Variants in FRMD7 observed in about 807,000 individuals in gnomAD.
FRMD7 encodes FERM domain containing 7, also known as FERM domain-containing protein 7.
In FRMD7, 14 loss-of-function variants were observed where a neutral mutation model predicts 44.1. The ratio of observed to expected loss-of-function variants is 0.32; its 90% CI spans 0.21 to 0.50. FRMD7 has a LOEUF of 0.50. FRMD7 is among the 20% of genes least tolerant of loss of function. The pLI is 0.99. For synonymous variants in FRMD7, 212 were observed against 187.4 expected, an observed-to-expected ratio of 1.13 and a Z score of -1.07; for missense variants, 501 against 522.3, an observed-to-expected ratio of 0.96 and a Z score of 0.40.
Position 132,118,100 on chromosome X carries a change from G to T in FRMD7, c.57+9688C>A, listed in dbSNP as rs779353660. Among the ~76,000 whole-genome samples the T allele has an allele frequency of 5.5e-3, 616 of 111,403 alleles. 3 individuals are homozygous for T. Among genetic ancestry groups the T allele is most frequent in the African/African-American group, 0.018 (562 of 30,650 alleles). On this transcript the variant is annotated intron_variant, in intron 1 of 11. Transcript: ENST00000298542. The stretch of plus-strand genomic sequence containing the variant: ...GTTCTTGCTTGGTAAAGTAGTGAAA[G>T]AATTATATGAACCCAAACTGTGCAT...
chrX:132,088,003 A>AAT (rs1347249936), intron 5 of FRMD7, among the ~76,000 whole-genome samples: 1 of 112,143 alleles, frequency 8.9e-6, no homozygotes, highest in Non-Finnish European at 1.9e-5. Context: ...CACAAAGTCT[A>AAT]ATACCCACTC....
intron 1 of FRMD7, 26 bp downstream of exon 1, chrX:132,127,762 A>C: frequency 8.9e-7 from 1 of 1,126,984 alleles, no homozygotes; most frequent in Non-Finnish European, 1.2e-6. Flanking sequence ...TAATAAAGGA[A>C]TAATAGCAAT....
intron 1 of FRMD7, among the ~76,000 whole-genome samples, chrX:132,123,539 C>A (rs933129549): frequency 8.9e-6 from 1 of 112,007 alleles, no homozygotes; most frequent in Admixed American, 9.5e-5. Context: ...ACAAAAGATC[C>A]TTCATCATCG....
At chrX:132,105,889 C>T in intron 1 of FRMD7, among the ~76,000 whole-genome samples, 1 of 110,919 alleles carries the variant, frequency 9.0e-6, no homozygotes, top group Admixed American at 9.6e-5. Flanking sequence ...AAATGTAAAA[C>T]CCAGAACTAT....
Position 132,094,028 on chromosome X carries a change from C to A in FRMD7, c.382+14G>T, listed in dbSNP as rs748904512. ...GCTGATAGGTCCCAAAGCAGACAGA[C>A]ATTTGCTACTTACATTGTAAGATGT... is the stretch of plus-strand genomic sequence containing the variant. On this transcript the variant is annotated intron_variant, in intron 5 of 11. Coordinates refer to ENST00000298542, the MANE Select transcript of FRMD7 (RefSeq NM_194277.3). The A allele has an allele frequency of 6.7e-6, 7 of 1,039,418 alleles. No individual in the cohort carries two copies. In the South Asian group the frequency reaches 1.1e-4, roughly 17 times the overall value. The allele number at this position is 1,039,418 out of a possible 1,213,427, so 85.7% of individuals were successfully genotyped here.
chrX:132,083,128 GT>G (rs1028893015), intron 8 of FRMD7, among the ~76,000 whole-genome samples: 376 of 110,660 alleles, frequency 3.4e-3, no homozygotes, highest in Non-Finnish European at 5.5e-3. Flanking sequence ...TTTCTTTGTA[GT>G]TTTTTTTGTT....
intron 1 of FRMD7, among the ~76,000 whole-genome samples, chrX:132,122,514 G>A (rs765153384): frequency 1.8e-5 from 2 of 112,329 alleles, no homozygotes; most frequent in African/African-American, 3.2e-5. Flanking sequence ...AAACTTGAAG[G>A]TCATTTAGAT....
chrX:132,083,893 G>A (rs965530330), intron 8 of FRMD7, among the ~76,000 whole-genome samples: 19 of 111,786 alleles, frequency 1.7e-4, no homozygotes, highest in Non-Finnish European at 3.0e-4. Context: ...AGCCCAGGAC[G>A]TTGAGGCTGC....
chrX:132,090,010 T>C (rs1048922992), intron 5 of FRMD7, among the ~76,000 whole-genome samples: 6 of 112,322 alleles, frequency 5.3e-5, no homozygotes, highest in Admixed American at 1.9e-4. Flanking sequence ...AACACTTGTG[T>C]GCCAATGCTT....
At chrX:132,118,974 C>T (rs748539726) in intron 1 of FRMD7, among the ~76,000 whole-genome samples, 1 of 111,588 alleles carries the variant, frequency 9.0e-6, no homozygotes, top group South Asian at 3.8e-4. Flanking sequence ...TCCACATACA[C>T]ACTTCAATCT....
intron 1 of FRMD7, among the ~76,000 whole-genome samples, chrX:132,101,489 C>T (rs1311537024): frequency 8.9e-6 from 1 of 112,213 alleles, no homozygotes; most frequent in Non-Finnish European, 1.9e-5. Context: ...CACTTCTTGC[C>T]CTGGATGTCT....
chrX:132,099,540 G>T, intron 2 of FRMD7, 30 bp from the exon 3 acceptor site: 1 of 1,133,161 alleles, frequency 8.8e-7, no homozygotes, highest in South Asian at 1.8e-5. Flanking sequence ...AAAATTGGTA[G>T]AGCATGGCAT....
At chrX:132,112,365 A>C (rs1928799075) in intron 1 of FRMD7, among the ~76,000 whole-genome samples, 1 of 111,313 alleles carries the variant, frequency 9.0e-6, no homozygotes, top group African/African-American at 3.3e-5. Context: ...AGCAAGGTGC[A>C]GTTAGACACA....
At chrX:132,095,507 T>C (rs1928305086) in intron 4 of FRMD7, among the ~76,000 whole-genome samples, 2 of 112,337 alleles carry the variant, frequency 1.8e-5, no homozygotes, top group South Asian at 7.3e-4. Flanking sequence ...AATTAAGCCT[T>C]GAAGGCAATG....
rs1363707484 is a variant in FRMD7, at chrX:132,080,346, T to C, written c.906-80A>G. ...TAAAACTTGAAAGCCTCGTTTATTG[T>C]TGAAATCAAAAGACTAGATGAATGA... On this transcript the variant is annotated intron_variant, in intron 9 of 11. Transcript: ENST00000298542. 16 of 643,594 alleles carry C rather than the reference T, an allele frequency of 2.5e-5. No individual in the cohort carries two copies. In the Admixed American group the frequency reaches 2.5e-4, roughly 10 times the overall value. The allele number at this position is 643,594 out of a possible 1,213,427, so 53.0% of individuals were successfully genotyped here.
At chrX:132,079,065 T>C (rs1927724165) in intron 11 of FRMD7, 99 bp from the exon 12 acceptor site, 2 of 690,937 alleles carry the variant, frequency 2.9e-6, no homozygotes, top group African/African-American at 2.1e-5. Context: ...AGGTAGTTTT[T>C]CATAAAGTCA....
In FRMD7 at chrX:132,078,049, C is replaced by T; in HGVS notation, c.1968G>A (p.Glu656=). Residue 656 remains glutamate, a synonymous_variant, in exon 12 of 12, where the codon GAG becomes GAA. Coordinates refer to ENST00000298542, the MANE Select transcript of FRMD7 (RefSeq NM_194277.3). ...AAGCATAGTAGTCTGGTTTAAGAAT[C>T]TCTGATTCAGAATCACTGGATTCAC... The part of the protein sequence containing the change: ...VASESSDSES[E]ILKPDYYALY... The T allele has an allele frequency of 8.3e-7, 1 of 1,211,260 alleles. No homozygotes were observed. Among genetic ancestry groups the T allele is most frequent in the Non-Finnish European group, 1.1e-6 (1 of 895,203 alleles).
rs745806487 is a variant in FRMD7 at position 132,106,528 on chromosome X, C to T, written c.58-5812G>A. Among the ~76,000 whole-genome samples the T allele has an allele frequency of 1.7e-4, 19 of 111,728 alleles. No individual in the cohort carries two copies. The East Asian group carries it at 5.0e-3, about 30-fold the overall frequency. On this transcript the variant is annotated intron_variant, in intron 1 of 11. Transcript: ENST00000298542. ...CCCAGCAATCCCATTATTGTATATA[C>T]TCAGAGGAATATAAATTATTCTACC... is the stretch of plus-strand genomic sequence containing the variant.
At chrX:132,104,562 G>A (rs746950987) in intron 1 of FRMD7, among the ~76,000 whole-genome samples, 6 of 111,166 alleles carry the variant, frequency 5.4e-5, no homozygotes, top group Admixed American at 9.5e-5. Context: ...GCGTGGTGGC[G>A]GGTGCCTGTA....
Sources: gnomAD v4.1 joint callset for allele counts (sites outside exome capture counted in the v4.1 genomes callset) on GRCh38, gnomAD v4.1.1 for gene constraint, MANE v1.5 for transcripts, NCBI Gene and HGNC (gene_info 2026-07-23, HGNC 2026-07-21) for gene names.